The following FGF7 variants were observed in gnomAD, a reference collection of about 807,000 sequenced individuals.
FGF7 encodes the protein fibroblast growth factor 7.
Under a neutral mutation model 20.5 loss-of-function variants are expected in FGF7, and 6 were observed. That is an observed-to-expected ratio of 0.29 (90% CI 0.16 to 0.58). FGF7 has a LOEUF of 0.58. FGF7 is among the 20% of genes least tolerant of loss of function. The probability of loss-of-function intolerance (pLI) is 0.90; values close to 1 mark genes in which losing one functional copy is unlikely to be tolerated. For synonymous variants in FGF7, 64 were observed against 74.7 expected (o/e 0.86, Z 0.74); for missense variants, 144 against 228.8 (o/e 0.63, Z 2.39).
At chr15:49,442,104 TA>T (rs1297130955) in intron 2 of FGF7, among the ~76,000 whole-genome samples, 14 of 151,684 alleles carry the variant, frequency 9.2e-5, no homozygotes, top group Admixed American at 9.2e-4. Flanking sequence ...TGAATAAAGG[TA>T]TTGTAAGGCT....
chr15:49,449,711 C>G (rs891773456), intron 2 of FGF7, among the ~76,000 whole-genome samples: 1 of 151,976 alleles, frequency 6.6e-6, no homozygotes, highest in African/African-American at 2.4e-5. Flanking sequence ...AGGTCTCTTT[C>G]GCTTCTATAC....
intron 2 of FGF7, among the ~76,000 whole-genome samples, chr15:49,470,239 A>C (rs1039222256): frequency 1.6e-5 from 1 of 61,016 alleles, no homozygotes; most frequent in Non-Finnish European, 3.9e-5. Context: ...GCACCTTATA[A>C]TTCTTTAACA....
intron 2 of FGF7, among the ~76,000 whole-genome samples, chr15:49,468,823 AGGTTTGTCTTCC>A (rs1422190957): frequency 4.6e-5 from 7 of 152,170 alleles, no homozygotes; most frequent in African/African-American, 1.7e-4. Flanking sequence ...CTGACAAAAG[AGGTTTGTCTTCC>A]GTGTTAAGCA....
At chr15:49,476,212 G>GTTTTTTTTTTTTTTTTTTTT (rs1567351529) in intron 2 of FGF7, among the ~76,000 whole-genome samples, 1 of 81,252 alleles carries the variant, frequency 1.2e-5, no homozygotes, top group African/African-American at 3.3e-5. Context: ...TTATTTTGCT[G>GTTTTTTTTTTTTTTTTTTTT]TTTTGTTTTT....
chr15:49,456,110 G>T (rs1196127839), intron 2 of FGF7, among the ~76,000 whole-genome samples: 3 of 152,038 alleles, frequency 2.0e-5, no homozygotes. Context: ...AGTAAGTCTA[G>T]ACTCTGTATT....
Position 49,483,480 on chromosome 15 carries a change from A to C in FGF7, c.390+226A>C, listed in dbSNP as rs183848163. Among the ~76,000 whole-genome samples the C allele has an allele frequency of 2.5e-3, 375 of 152,192 alleles. 1 individual carries two copies. Among genetic ancestry groups the C allele is most frequent in the Non-Finnish European group, 3.9e-3 (266 of 67,932 alleles). On this transcript the variant is annotated intron_variant, in intron 3 of 3. Coordinates refer to ENST00000267843, the MANE Select transcript of FGF7 (RefSeq NM_002009.4). ...GTTTCTTCATCTGTAAAATGAGTTGAATTAACTGACCTCTAAGGATCCTTC... is the reference window on the plus strand; with the variant it reads ...GTTTCTTCATCTGTAAAATGAGTTGCATTAACTGACCTCTAAGGATCCTTC...
chr15:49,476,217 G>T (rs55680283), intron 2 of FGF7, among the ~76,000 whole-genome samples: 13,771 of 93,562 alleles, frequency 0.15, 1,639 homozygotes, highest in Non-Finnish European at 0.22. Context: ...TTGCTGTTTT[G>T]TTTTTTTGTT....
intron 2 of FGF7, among the ~76,000 whole-genome samples, chr15:49,477,016 C>T (rs1190905933): frequency 6.6e-6 from 1 of 151,208 alleles, no homozygotes; most frequent in Non-Finnish European, 1.5e-5. Context: ...GCGGAGATCC[C>T]GCCACTGCAC....
In FGF7 at chr15:49,487,855, A is replaced by C. The variant is rs2056533431; in HGVS notation, c.*3351A>C. 6.6e-6 allele frequency: 1 copy of C among 151,992 alleles called. No homozygotes were observed. Among genetic ancestry groups the C allele is most frequent in the African/African-American group, 2.4e-5 (1 of 41,422 alleles). The allele number at this position is 151,992 out of a possible 1,614,324, so 9.4% of individuals were successfully genotyped here. A position where few individuals can be genotyped will look rare whatever the true frequency, so the allele number is the denominator to read the frequency against. On this transcript the variant is annotated 3_prime_UTR_variant, in exon 4 of 4. Transcript: ENST00000267843. ...AAACACCAGTAAGCAAAATTGATAC[A>C]TCAGAATGACTTGCAGGGCTTATCA...
intron 2 of FGF7, among the ~76,000 whole-genome samples, chr15:49,446,885 C>T (rs1297235160): frequency 1.3e-5 from 2 of 151,276 alleles, no homozygotes; most frequent in Non-Finnish European, 3.0e-5. Flanking sequence ...GGAGTGCTCA[C>T]TAAAGAGAAG....
chr15:49,437,420 C>CT (rs1262546446), intron 2 of FGF7, among the ~76,000 whole-genome samples: 1 of 151,404 alleles, frequency 6.6e-6, no homozygotes, highest in Non-Finnish European at 1.5e-5. Context: ...ATTTTTAATC[C>CT]TTTTAGGACT....
chr15:49,476,045 A>G (rs2055232476), intron 2 of FGF7, among the ~76,000 whole-genome samples: 1 of 152,122 alleles, frequency 6.6e-6, no homozygotes, highest in South Asian at 2.1e-4. Context: ...CTTTGCTTCC[A>G]TGGCCTTGCA....
At chr15:49,472,121 A>G (rs1696210132) in intron 2 of FGF7, among the ~76,000 whole-genome samples, 1 of 152,230 alleles carries the variant, frequency 6.6e-6, no homozygotes, top group Non-Finnish European at 1.5e-5. Flanking sequence ...AACTGAAAAA[A>G]TAGGCTCCTG....
At chr15:49,423,551 C>T (rs1421698355) in intron 1 of FGF7, 111 bp downstream of exon 1, 2 of 151,580 alleles carry the variant, frequency 1.3e-5, no homozygotes, top group Admixed American at 6.6e-5. Flanking sequence ...GATTTTTGAG[C>T]CATGTAACTA....
rs910784042 is a variant in FGF7, at chr15:49,449,857, T to G, written c.286+25274T>G. Among the ~76,000 whole-genome samples, 118 of 152,190 alleles carry G rather than the reference T, an allele frequency of 7.8e-4. 2 individuals are homozygous for G. Among genetic ancestry groups the G allele is most frequent in the Non-Finnish European group, 3.1e-4 (21 of 67,988 alleles). On this transcript the variant is annotated intron_variant, in intron 2 of 3. Coordinates refer to ENST00000267843, the MANE Select transcript of FGF7 (RefSeq NM_002009.4). ...GATATCCATAAAGATTACTTAACTT[T>G]AGAGATACTGTCATCCTGTGAATTC...
At chr15:49,439,081 C>A (rs531639741) in intron 2 of FGF7, among the ~76,000 whole-genome samples, 1 of 151,794 alleles carries the variant, frequency 6.6e-6, no homozygotes, top group Admixed American at 6.6e-5. Flanking sequence ...TCAGCTAGGG[C>A]TGAAGTCTTC....
At chr15:49,468,167 C>A (rs1184373336) in intron 2 of FGF7, among the ~76,000 whole-genome samples, 1 of 152,044 alleles carries the variant, frequency 6.6e-6, no homozygotes, top group Non-Finnish European at 1.5e-5. Flanking sequence ...GTTAACCAGA[C>A]ATGTCATTTA....
intron 2 of FGF7, among the ~76,000 whole-genome samples, chr15:49,442,709 T>C (rs2051785966): frequency 6.6e-6 from 1 of 151,736 alleles, no homozygotes; most frequent in Admixed American, 6.6e-5. Context: ...TCTACTAGCA[T>C]GGTTATTTAA....
intron 2 of FGF7, among the ~76,000 whole-genome samples, chr15:49,450,802 C>T (rs950999803): frequency 6.6e-6 from 1 of 152,154 alleles, no homozygotes; most frequent in Admixed American, 6.6e-5. Flanking sequence ...ATCTGTTTTA[C>T]TGTAAAATCT....
Sources: allele counts gnomAD v4.1 joint callset (sites outside exome capture counted in the v4.1 genomes callset), GRCh38; gene constraint gnomAD v4.1.1; transcripts MANE v1.5; gene names NCBI Gene and HGNC (gene_info 2026-07-23, HGNC 2026-07-21).